The following NKTR variants were observed in gnomAD, a reference collection of about 807,000 sequenced individuals.
NKTR encodes natural killer cell triggering receptor.
A neutral mutation model predicts 156.3 loss-of-function variants in NKTR; 67 were observed. The observed-to-expected ratio is 0.43, with a 90% confidence interval of 0.35 to 0.53. The LOEUF (loss-of-function observed/expected upper bound fraction) is 0.53, where lower values mean the gene tolerates loss of function less well. Ranked by LOEUF, NKTR falls within the 20% of genes least tolerant of loss-of-function variation. NKTR has a pLI of 0.01. For missense variants in NKTR, 1,604 were observed against 1,730.9 expected (o/e 0.93, Z 1.30); for synonymous variants, 640 against 596.6 (o/e 1.07, Z -1.06).
At chr3:42,620,973 C>A in intron 5 of NKTR, 1 of 927,614 alleles carries the variant, frequency 1.1e-6, no homozygotes, top group Non-Finnish European at 1.3e-6. Context: ...TACAGTCTAG[C>A]TTCAATTAAG....
Position 42,638,022 on chromosome 3 carries a change from A to G in NKTR, c.2318A>G (p.His773Arg). The G allele has an allele frequency of 6.2e-7, 1 of 1,614,240 alleles. No homozygotes were observed. The highest frequency in any genetic ancestry group is 8.5e-7 in the Non-Finnish European group (1 of 1,180,046). The change falls in exon 13 of 17, where the codon CAT (histidine) becomes CGT (arginine). Residue 773 changes from histidine to arginine, a missense_variant. By Grantham distance (29) the His-to-Arg change is conservative (BLOSUM62 0). Transcript: ENST00000232978. ...AAAAATAGCGTTTCACATAAAAAGC[A>G]TAGCAGCAGCTCTGAAAAGACACTT... ...GKKNSVSHKK[H>R]SSSSEKTLHS...
chr3:42,600,937 C>CACG, intron 1 of NKTR, 47 bp from the exon 2 acceptor site: 1 of 1,255,192 alleles, frequency 8.0e-7, no homozygotes, highest in Non-Finnish European at 1.1e-6. Context: ...TGCCCTCGCC[C>CACG]CCGCCCTCGC....
intron 2 of NKTR, among the ~76,000 whole-genome samples, chr3:42,610,310 T>C (rs1706662043): frequency 6.6e-6 from 1 of 152,014 alleles, no homozygotes; most frequent in Non-Finnish European, 1.5e-5. Flanking sequence ...CTAGCCTACA[T>C]TGACTAGAAT....
chr3:42,625,768 G>C (rs73085310), intron 6 of NKTR, among the ~76,000 whole-genome samples: 1 of 151,946 alleles, frequency 6.6e-6, no homozygotes, highest in South Asian at 2.1e-4. Flanking sequence ...AAAGATGTTC[G>C]TGAAACTTAG....
In NKTR at chr3:42,637,242, A is replaced by G. The variant is rs769101395; in HGVS notation, c.1538A>G (p.His513Arg). 1.2e-6 allele frequency: 2 copies of G among 1,611,854 alleles called. No individual in the cohort carries two copies. The highest frequency in any genetic ancestry group is 1.7e-6 in the Non-Finnish European group (2 of 1,179,344). ...SDKDVQSSLT[H>R]SSRDSYRSKS... ...AAGGATGTCCAGAGCTCTTTAACCC[A>G]TTCCAGCAGAGACTCATACAGATCA... is the stretch of plus-strand genomic sequence containing the variant. The change falls in exon 13 of 17, where the codon CAT (histidine) becomes CGT (arginine). Residue 513 changes from histidine to arginine, a missense_variant. By Grantham distance (29) the His-to-Arg change is conservative (BLOSUM62 0). Transcript: ENST00000232978.
chr3:42,604,364 T>C (rs1365312009), intron 2 of NKTR, among the ~76,000 whole-genome samples: 2 of 148,798 alleles, frequency 1.3e-5, no homozygotes, highest in African/African-American at 4.8e-5. Context: ...GAAGCATAGA[T>C]TGTTGATTTG....
At chr3:42,627,783 A>G (rs1708531800) in intron 6 of NKTR, 1 of 983,312 alleles carries the variant, frequency 1.0e-6, no homozygotes, top group Admixed American at 6.1e-5. Context: ...TCATAAGCAT[A>G]TATAAATTTA....
Position 42,638,002 on chromosome 3 carries a change from T to C in NKTR, c.2298T>C (p.Asn766=), listed in dbSNP as rs770834560. 5.0e-6 allele frequency: 8 copies of C among 1,613,824 alleles called. No homozygotes were observed. The highest frequency in any genetic ancestry group is 1.7e-5 in the Admixed American group (1 of 59,964). ...GACTTAGATCCAGTGGGAAAAAAAA[T>C]AGCGTTTCACATAAAAAGCATAGCA... ...KRRLRSSGKK[N]SVSHKKHSSS... Residue 766 remains asparagine (N), a synonymous_variant, in exon 13 of 17, where the codon AAT becomes AAC. Transcript: ENST00000232978.
intron 11 of NKTR, chr3:42,634,939 A>G (rs1004678218): frequency 2.2e-6 from 1 of 460,490 alleles, no homozygotes; most frequent in African/African-American, 2.0e-5. Flanking sequence ...CTGAGAAATC[A>G]TTAAGACTTT....
At position 42,638,689 on chromosome 3, in the gene NKTR, G is replaced by T; in HGVS notation, c.2985G>T (p.Glu995Asp). The change falls in exon 13 of 17, where the codon GAG becomes GAT. Residue 995 changes from glutamate to aspartate, a missense_variant. Transcript: ENST00000232978. ...GAGAACACACCAAAAAAGTGAAAGA[G>T]AAATTGAAAGGGAAAAAAGACAAAA... ...LKREHTKKVK[E>D]KLKGKKDKKH... 6.2e-7 allele frequency: 1 copy of T among 1,611,750 alleles called. No individual in the cohort carries two copies. The highest frequency in any genetic ancestry group is 8.5e-7 in the Non-Finnish European group (1 of 1,179,510).
intron 5 of NKTR, chr3:42,619,971 C>T: frequency 6.5e-7 from 1 of 1,529,276 alleles, no homozygotes; most frequent in South Asian, 1.2e-5. Context: ...CATGAAAACT[C>T]CTATCTTCCT....
Position 42,632,644 on chromosome 3 carries a change from G to A in NKTR, c.594G>A (p.Ser198=), listed in dbSNP as rs1225156859. Residue 198 remains serine, a synonymous_variant, in exon 9 of 17, where the codon TCG becomes TCA. Coordinates refer to ENST00000232978, the MANE Select transcript of NKTR (RefSeq NM_005385.4). ...KRKKPTHSEG[S]DSSSNSSSSS... is the part of the protein sequence containing the mutation. ...AGAAACCAACTCATTCAGAAGGCTC[G>A]GATTCCTCTTCCAATTCCTCCTCTT... 16 of 1,613,532 alleles carry A rather than the reference G, an allele frequency of 9.9e-6. No homozygotes were observed. The highest frequency in any genetic ancestry group is 5.3e-5 in the African/African-American group (4 of 74,842).
chr3:42,615,086 T>G (rs654761), intron 2 of NKTR, among the ~76,000 whole-genome samples: 42,263 of 151,232 alleles, frequency 0.28, 6,589 homozygotes, highest in East Asian at 0.47. Context: ...TTTTTTCTTT[T>G]TTTTTTTTTT....
rs1483435902 is a variant in NKTR, at chr3:42,638,689, G to C, written c.2985G>C (p.Glu995Asp). 6.2e-7 allele frequency: 1 copy of C among 1,611,632 alleles called. No individual in the cohort carries two copies. Among genetic ancestry groups the C allele is most frequent in the Admixed American group, 1.7e-5 (1 of 59,472 alleles). ...LKREHTKKVK[E>D]KLKGKKDKKH... ...GAGAACACACCAAAAAAGTGAAAGA[G>C]AAATTGAAAGGGAAAAAAGACAAAA... is the stretch of plus-strand genomic sequence containing the variant. Residue 995 changes from glutamate to aspartate, a missense_variant, in exon 13 of 17, where the codon GAG (glutamate) becomes GAC (aspartate). Around this residue, in one of 6 missense-constraint regions of NKTR, gnomAD observed 1,255 missense variants for 1,243.7 expected, o/e 1.01. Transcript: ENST00000232978.
At chr3:42,623,574 A>G (rs1049012229) in intron 6 of NKTR, among the ~76,000 whole-genome samples, 1 of 152,152 alleles carries the variant, frequency 6.6e-6, no homozygotes, top group Non-Finnish European at 1.5e-5. Flanking sequence ...ATAGGTAAAA[A>G]TGGAGATGGT....
At position 42,642,561 on chromosome 3, in the gene NKTR, C is replaced by T; in HGVS notation, c.4107C>T (p.Ser1369=). The change falls in exon 14 of 17, where the codon AGC becomes AGT. Residue 1369 remains serine (S), a synonymous_variant. Coordinates refer to ENST00000232978, the MANE Select transcript of NKTR (RefSeq NM_005385.4). ...RGWYSRGRTR[S]RSSSYRSYKS... The stretch of plus-strand genomic sequence containing the variant: ...GGTACAGCAGAGGCCGAACCAGAAG[C>T]CGGAGCAGTTCCTACCGGAGTTACA... 1.9e-6 allele frequency: 3 copies of T among 1,614,068 alleles called. No homozygotes were observed. The highest frequency in any genetic ancestry group is 2.5e-6 in the Non-Finnish European group (3 of 1,179,940).
chr3:42,608,075 C>T (rs112838363), intron 2 of NKTR, among the ~76,000 whole-genome samples: 3,800 of 144,494 alleles, frequency 0.026, 69 homozygotes, highest in African/African-American at 0.052. Flanking sequence ...CTGCAACCTC[C>T]GCCTCCCGGG....
rs761204391 is a variant in NKTR, at chr3:42,638,429, A to G, written c.2725A>G (p.Lys909Glu). ...AAATGACTCCCATCCATCCTCTGACAAGGAAGAAGGTGAGGCCACATCCGA... is the reference window on the plus strand; with the variant it reads ...AAATGACTCCCATCCATCCTCTGACGAGGAAGAAGGTGAGGCCACATCCGA... The part of the protein sequence containing the change: ...SKNDSHPSSD[K>E]EEGEATSDSE... Residue 909 changes from lysine to glutamate, a missense_variant, in exon 13 of 17, where the codon AAG (lysine) becomes GAG (glutamate). Physicochemically the swap from Lys to Glu is moderately conservative, Grantham distance 56. Around this residue, in one of 6 missense-constraint regions of NKTR, gnomAD observed 1,255 missense variants for 1,243.7 expected, o/e 1.01. Transcript: ENST00000232978. 4 of 1,613,274 alleles carry G rather than the reference A, an allele frequency of 2.5e-6. No individual in the cohort carries two copies. In the South Asian group the frequency reaches 3.3e-5, roughly 13 times the overall value.
chr3:42,647,303 G>GTGTGTGTGTGTGTGTGTGTGTGTGTGGT lies in NKTR; in HGVS notation c.*1329_*1330insGTGTGTGTGTGTGTGTGTGTGTGTGGTT, dbSNP rs796657249. The GTGTGTGTGTGTGTGTGTGTGTGTGTGGT allele has an allele frequency of 9.9e-6, 1 of 101,242 alleles. No homozygotes were observed. Among genetic ancestry groups the GTGTGTGTGTGTGTGTGTGTGTGTGTGGT allele is most frequent in the South Asian group, 3.4e-4 (1 of 2,934 alleles). 6.3% of individuals were successfully genotyped at this position (101,242 alleles called of 1,614,324 possible). A position where few individuals can be genotyped will look rare whatever the true frequency, so the allele number is the denominator to read the frequency against. ...GTGTGTGTGTGTGTGTGTGTGTGTG[G>GTGTGTGTGTGTGTGTGTGTGTGTGTGGT]TTTTTTTTTTTAATCTTTACTTTGA... On this transcript the variant is annotated 3_prime_UTR_variant, in exon 17 of 17. Transcript: ENST00000232978.
Sources: gnomAD v4.1 joint callset for allele counts (sites outside exome capture counted in the v4.1 genomes callset) on GRCh38, gnomAD v4.1.1 for gene constraint, gnomAD v4.1.1 regional missense constraint, MANE v1.5 for transcripts, NCBI Gene and HGNC (gene_info 2026-07-23, HGNC 2026-07-21) for gene names.